NAALADL2: variants seen among roughly 807,000 people sequenced by gnomAD.
NAALADL2 encodes inactive N-acetylated-alpha-linked acidic dipeptidase-like protein 2.
NAALADL2 carries 76 observed loss-of-function variants against 87.2 expected under a neutral mutation model. That is an observed-to-expected ratio of 0.87 (90% CI 0.72 to 1.05). The LOEUF (loss-of-function observed/expected upper bound fraction) is 1.05, where lower values mean the gene tolerates loss of function less well. NAALADL2 is among the 50% of genes least tolerant of loss of function. NAALADL2 has a pLI of 0.00. For missense variants in NAALADL2, 1,089 were observed against 945.8 expected (o/e 1.15, Z -1.99); for synonymous variants, 354 against 331.0 (o/e 1.07, Z -0.75).
intron 2 of NAALADL2, among the ~76,000 whole-genome samples, chr3:174,691,812 A>C (rs1216716045): frequency 6.6e-6 from 1 of 152,226 alleles, no homozygotes; most frequent in African/African-American, 2.4e-5. Context: ...TGACATCTTC[A>C]GAAGTAGTAG....
At chr3:175,434,907 T>C (rs1718366679) in intron 5 of NAALADL2, among the ~76,000 whole-genome samples, 1 of 152,054 alleles carries the variant, frequency 6.6e-6, no homozygotes, top group South Asian at 2.1e-4. Flanking sequence ...TGTCTCTTAG[T>C]TTGTTTTTCT....
chr3:174,466,967 C>T (rs1024398808), intron 1 of NAALADL2, among the ~76,000 whole-genome samples: 1 of 151,942 alleles, frequency 6.6e-6, no homozygotes, highest in Non-Finnish European at 1.5e-5. Context: ...GAATATTGTC[C>T]ACTGTCTGCA....
At chr3:175,759,891 T>C (rs1203533087) in intron 13 of NAALADL2, among the ~76,000 whole-genome samples, 3 of 152,094 alleles carry the variant, frequency 2.0e-5, no homozygotes, top group Non-Finnish European at 1.5e-5. Context: ...AAATGCTCTG[T>C]TGAGAGGTTT....
intron 1 of NAALADL2, among the ~76,000 whole-genome samples, chr3:174,532,930 C>T (rs1338735389): frequency 1.3e-5 from 2 of 151,686 alleles, no homozygotes; most frequent in African/African-American, 4.8e-5. Context: ...GTACCCCCCT[C>T]CTTTTCTCCT....
chr3:175,666,207 A>G (rs1732971213), intron 11 of NAALADL2, among the ~76,000 whole-genome samples: 1 of 152,110 alleles, frequency 6.6e-6, no homozygotes, highest in Non-Finnish European at 1.5e-5. Context: ...GTAGGGCATC[A>G]GAATTTCAGA....
chr3:175,590,366 C>A (rs1721250174), intron 10 of NAALADL2, among the ~76,000 whole-genome samples: 2 of 140,820 alleles, frequency 1.4e-5, no homozygotes, highest in African/African-American at 2.7e-5. Flanking sequence ...AAAGAATAGT[C>A]GATATAGTGT....
chr3:175,706,246 CT>C (rs1739690822), intron 11 of NAALADL2, among the ~76,000 whole-genome samples: 1 of 152,078 alleles, frequency 6.6e-6, no homozygotes, highest in Admixed American at 6.6e-5. Context: ...ACATTAGCCC[CT>C]CCTTATTGAT....
intron 1 of NAALADL2, among the ~76,000 whole-genome samples, chr3:174,522,656 C>G (rs67408109): frequency 6.6e-6 from 1 of 151,582 alleles, no homozygotes; most frequent in African/African-American, 2.4e-5. Context: ...CAAGAAAGGC[C>G]GGGTGCAGTG....
chr3:175,157,755 T>C (rs1318330593), intron 2 of NAALADL2, among the ~76,000 whole-genome samples: 1 of 152,018 alleles, frequency 6.6e-6, no homozygotes, highest in Non-Finnish European at 1.5e-5. Flanking sequence ...AACTAGAAAG[T>C]TATCTCGTAG....
At chr3:175,373,828 G>A (rs765681230) in intron 5 of NAALADL2, among the ~76,000 whole-genome samples, 6 of 152,102 alleles carry the variant, frequency 3.9e-5, no homozygotes, top group Non-Finnish European at 7.4e-5. Context: ...CACGCATATT[G>A]TCAGTCTTTA....
chr3:174,508,114 G>GGGTTTTTTTTTTT (rs1719326552), intron 1 of NAALADL2, among the ~76,000 whole-genome samples: 1 of 103,886 alleles, frequency 9.6e-6, no homozygotes, highest in Non-Finnish European at 1.9e-5. Context: ...ATATCTAGTG[G>GGGTTTTTTTTTTT]TTTTTTTTTT....
At chr3:174,661,247 C>T (rs1052285131) in intron 2 of NAALADL2, among the ~76,000 whole-genome samples, 7 of 152,086 alleles carry the variant, frequency 4.6e-5, no homozygotes, top group African/African-American at 9.7e-5. Context: ...TCATCAATAA[C>T]GTAGAATATT....
At chr3:175,338,138 T>C (rs1481183300) in intron 5 of NAALADL2, among the ~76,000 whole-genome samples, 1 of 152,084 alleles carries the variant, frequency 6.6e-6, no homozygotes, top group Admixed American at 6.6e-5. Flanking sequence ...TAGGAAGTCG[T>C]GGGAATCTGA....
At chr3:175,492,679 C>T (rs1056824376) in intron 9 of NAALADL2, among the ~76,000 whole-genome samples, 1 of 152,104 alleles carries the variant, frequency 6.6e-6, no homozygotes, top group Non-Finnish European at 1.5e-5. Flanking sequence ...TACTAAAGCA[C>T]ACACATATTC....
Position 175,718,195 on chromosome 3 carries a change from G to GTTTTTTTTTTT in NAALADL2, c.1897-19093_1897-19083dup, listed in dbSNP as rs1244400650. On this transcript the variant is annotated intron_variant, in intron 11 of 13. Transcript: ENST00000454872. ...TGGAGGGGAAGGGGAAGGGCCTGTG[G>GTTTTTTTTTTT]TTTTTTTTTTTTTTTTTTTTTTTTT... is the stretch of plus-strand genomic sequence containing the variant. The GTTTTTTTTTTT allele has an allele frequency of 7.2e-5, 59 of 823,374 alleles. 16 individuals are homozygous for GTTTTTTTTTTT. The Middle Eastern group carries it at 1.3e-3, about 19-fold the overall frequency. 51.0% of individuals were successfully genotyped at this position (823,374 alleles called of 1,614,324 possible).
chr3:175,142,399 C>A (rs1390692592), intron 2 of NAALADL2, among the ~76,000 whole-genome samples: 1 of 150,632 alleles, frequency 6.6e-6, no homozygotes, highest in Admixed American at 6.6e-5. Context: ...TTACTGAGAT[C>A]TTACTATGTA....
Position 174,677,620 on chromosome 3 carries a change from C to A in NAALADL2, c.-114-60021C>A, listed in dbSNP as rs181341784. Among the ~76,000 whole-genome samples, 3 of 152,062 alleles carry A rather than the reference C, an allele frequency of 2.0e-5. No homozygotes were observed. In the East Asian group the frequency reaches 5.8e-4, roughly 29 times the overall value. On this transcript the variant is annotated intron_variant, in intron 2 of 3. Transcript: ENST00000434257. ...TTTGCTTCATGCAAATCTCTAGTCA[C>A]AACATTTTTATATATCAGTCAATCC... is the stretch of plus-strand genomic sequence containing the variant.
intron 4 of NAALADL2, among the ~76,000 whole-genome samples, chr3:175,294,742 T>C (rs550321614): frequency 6.6e-6 from 1 of 152,358 alleles, no homozygotes; most frequent in South Asian, 2.1e-4. Context: ...CTAATGGCCA[T>C]ATCCAAAGGA....
intron 5 of NAALADL2, among the ~76,000 whole-genome samples, chr3:175,328,638 A>G (rs1454722621): frequency 1.3e-5 from 2 of 152,172 alleles, no homozygotes; most frequent in Non-Finnish European, 2.9e-5. Context: ...TTATATAGCA[A>G]AAAATCAATT....
Sources: gnomAD v4.1 joint callset for allele counts (sites outside exome capture counted in the v4.1 genomes callset) on GRCh38, gnomAD v4.1.1 for gene constraint, MANE v1.5 for transcripts, NCBI Gene and HGNC (gene_info 2026-07-23, HGNC 2026-07-21) for gene names.